Variants in WDPCP observed in about 807,000 individuals in gnomAD.
WDPCP encodes WD repeat-containing and planar cell polarity effector protein fritz homolog.
Under a neutral mutation model 93.1 loss-of-function variants are expected in WDPCP, and 71 were observed. The ratio of observed to expected loss-of-function variants is 0.76; its 90% CI spans 0.63 to 0.93. The LOEUF (loss-of-function observed/expected upper bound fraction) is 0.93. Ranked by LOEUF, WDPCP falls within the 40% of genes least tolerant of loss-of-function variation. The pLI is 0.00. For missense variants in WDPCP, 844 were observed against 887.4 expected, an observed-to-expected ratio of 0.95 and a Z score of 0.62; for synonymous variants, 315 against 315.0, an observed-to-expected ratio of 1.00 and a Z score of 0.00.
chr2:63,786,618 A>G (rs1176075122), intron 2 of WDPCP, among the ~76,000 whole-genome samples: 1 of 152,222 alleles, frequency 6.6e-6, no homozygotes, highest in Non-Finnish European at 1.5e-5. Context: ...TGTTTTCAAT[A>G]TGGTGAGAAG....
intron 1 of WDPCP, among the ~76,000 whole-genome samples, chr2:63,568,645 G>A (rs559390526): frequency 6.6e-6 from 1 of 152,284 alleles, no homozygotes; most frequent in East Asian, 1.9e-4. Flanking sequence ...AGTTTCCATT[G>A]GCTGGAATGG....
chr2:63,765,501 G>C (rs1670124890), intron 2 of WDPCP, among the ~76,000 whole-genome samples: 1 of 152,210 alleles, frequency 6.6e-6, no homozygotes, highest in Non-Finnish European at 1.5e-5. Flanking sequence ...GTAAGGTTGT[G>C]GGGTATGAAT....
intron 3 of WDPCP, chr2:63,594,171 C>A: frequency 2.0e-6 from 1 of 492,530 alleles, no homozygotes; most frequent in Non-Finnish European, 4.0e-6. Flanking sequence ...GCTCTAGTGG[C>A]TGCCAGGGTT....
chr2:63,245,671 C>T (rs1269835723), intron 14 of WDPCP, among the ~76,000 whole-genome samples: 2 of 152,060 alleles, frequency 1.3e-5, no homozygotes, highest in African/African-American at 2.4e-5. Context: ...ATCATGAAAC[C>T]AGCAAAGATC....
chr2:63,142,110 A>G (rs1335355791), intron 17 of WDPCP, among the ~76,000 whole-genome samples: 3 of 151,688 alleles, frequency 2.0e-5, no homozygotes, highest in Admixed American at 2.0e-4. Context: ...TATCTTTTGT[A>G]TTTTTTGTTT....
intron 6 of WDPCP, among the ~76,000 whole-genome samples, chr2:63,455,375 C>T (rs1698544591): frequency 6.7e-6 from 1 of 149,608 alleles, no homozygotes. Flanking sequence ...CGTGATCCAA[C>T]AATATTCTGC....
intron 11 of WDPCP, among the ~76,000 whole-genome samples, chr2:63,380,177 A>C (rs1211761637): frequency 6.6e-6 from 1 of 152,018 alleles, no homozygotes; most frequent in Non-Finnish European, 1.5e-5. Flanking sequence ...ATGATCTCTT[A>C]TATAAATTGT....
intron 1 of WDPCP, among the ~76,000 whole-genome samples, chr2:63,577,032 T>C (rs972691802): frequency 2.0e-5 from 3 of 152,194 alleles, no homozygotes; most frequent in Non-Finnish European, 4.4e-5. Flanking sequence ...CAAATAACAG[T>C]AATAAAAATG....
At chr2:63,558,559 G>C (rs1030783131) in intron 1 of WDPCP, among the ~76,000 whole-genome samples, 2 of 150,996 alleles carry the variant, frequency 1.3e-5, no homozygotes, top group Admixed American at 6.6e-5. Flanking sequence ...AAAGAAAAAA[G>C]AAAAGAGAGA....
intron 17 of WDPCP, among the ~76,000 whole-genome samples, chr2:63,126,654 A>C (rs1669921725): frequency 6.7e-6 from 1 of 148,400 alleles, no homozygotes; most frequent in Non-Finnish European, 1.5e-5. Context: ...ATAACTGTGC[A>C]ACTTGTTTTG....
At chr2:63,223,671 C>T (rs1678027262) in intron 14 of WDPCP, among the ~76,000 whole-genome samples, 2 of 152,134 alleles carry the variant, frequency 1.3e-5, no homozygotes, top group Non-Finnish European at 2.9e-5. Context: ...GATTGGCCCT[C>T]TGCTTCTAAA....
intron 12 of WDPCP, among the ~76,000 whole-genome samples, chr2:63,353,800 G>C (rs959403380): frequency 4.6e-5 from 7 of 152,160 alleles, no homozygotes; most frequent in Non-Finnish European, 8.8e-5. Context: ...GCCTTCCCTG[G>C]TGATACCTCC....
At chr2:63,286,371 T>A (rs2104975086) in intron 13 of WDPCP, among the ~76,000 whole-genome samples, 1 of 152,310 alleles carries the variant, frequency 6.6e-6, no homozygotes. Context: ...CCGATCAATG[T>A]ACTTTGTAAT....
chr2:63,301,849 C>T (rs940618661), intron 13 of WDPCP, among the ~76,000 whole-genome samples: 28 of 151,770 alleles, frequency 1.8e-4, no homozygotes, highest in Non-Finnish European at 1.3e-4. Flanking sequence ...CCTGCACTCC[C>T]TTGGAGTGCA....
chr2:63,506,990 A>G (rs1447753897), intron 1 of WDPCP, among the ~76,000 whole-genome samples: 2 of 152,136 alleles, frequency 1.3e-5, no homozygotes, highest in South Asian at 2.1e-4. Context: ...AGAGAAAGAG[A>G]GAGAGAGAAG....
intron 12 of WDPCP, among the ~76,000 whole-genome samples, chr2:63,338,745 T>C (rs1466811281): frequency 6.6e-6 from 1 of 151,376 alleles, no homozygotes; most frequent in Non-Finnish European, 1.5e-5. Flanking sequence ...TATGTGTCTG[T>C]TTTTATACCA....
intron 1 of WDPCP, among the ~76,000 whole-genome samples, chr2:63,532,365 A>G (rs1270035473): frequency 6.6e-6 from 1 of 152,200 alleles, no homozygotes; most frequent in East Asian, 1.9e-4. Context: ...AGAGAATGCC[A>G]CAAAGATACT....
At chr2:63,505,511 G>A (rs1009725474) in intron 1 of WDPCP, among the ~76,000 whole-genome samples, 1 of 152,028 alleles carries the variant, frequency 6.6e-6, no homozygotes, top group African/African-American at 2.4e-5. Flanking sequence ...TCTAGATTAT[G>A]ACCATGTTTT....
At chr2:63,286,863 T>C (rs1003469801) in intron 13 of WDPCP, among the ~76,000 whole-genome samples, 1 of 152,228 alleles carries the variant, frequency 6.6e-6, no homozygotes, top group Non-Finnish European at 1.5e-5. Flanking sequence ...CTTTGTTGTG[T>C]TTTTCCTATT....
Sources: allele counts gnomAD v4.1 joint callset (sites outside exome capture counted in the v4.1 genomes callset), GRCh38; gene constraint gnomAD v4.1.1; transcripts MANE v1.5; gene names NCBI Gene and HGNC (gene_info 2026-07-23, HGNC 2026-07-21).